WASF1: variants seen among roughly 807,000 people sequenced by gnomAD.
WASF1 encodes actin-binding protein WASF1.
In WASF1, 7 loss-of-function variants were observed where a neutral mutation model predicts 50.5. The observed-to-expected ratio is 0.14, with a 90% CI of 0.08 to 0.26. WASF1 has a LOEUF of 0.26. WASF1 is among the 10% of genes least tolerant of loss of function. WASF1 has a pLI of 1.00. For missense variants in WASF1, 470 were observed against 694.7 expected (o/e 0.68, Z 3.64); for synonymous variants, 205 against 244.0 (o/e 0.84, Z 1.49).
chr6:110,140,591 T>C (rs1312709272), intron 3 of WASF1, among the ~76,000 whole-genome samples: 1 of 152,114 alleles, frequency 6.6e-6, no homozygotes, highest in Non-Finnish European at 1.5e-5. Flanking sequence ...CAGAATTGAA[T>C]TGAAGAACAC....
intron 3 of WASF1, among the ~76,000 whole-genome samples, chr6:110,143,319 T>C (rs976939514): frequency 6.6e-6 from 1 of 151,572 alleles, no homozygotes; most frequent in Non-Finnish European, 1.5e-5. Context: ...AATCTAACCA[T>C]AGCAAAATGT....
At chr6:110,124,237 TC>T (rs1562170310) in intron 4 of WASF1, among the ~76,000 whole-genome samples, 29 of 22,062 alleles carry the variant, frequency 1.3e-3, no homozygotes, top group Non-Finnish European at 2.0e-3. Context: ...CTCTCTCTCC[TC>T]TCTCTCTCTC....
At chr6:110,144,669 G>A (rs1203101662) in intron 3 of WASF1, among the ~76,000 whole-genome samples, 1 of 152,180 alleles carries the variant, frequency 6.6e-6, no homozygotes, top group African/African-American at 2.4e-5. Context: ...TCCAGTTTCA[G>A]CTTTCTACAT....
At chr6:110,141,924 G>A (rs528804292) in intron 3 of WASF1, among the ~76,000 whole-genome samples, 13 of 151,918 alleles carry the variant, frequency 8.6e-5, no homozygotes, top group Admixed American at 5.9e-4. Context: ...GGTGCGCACC[G>A]CCACGCTCAG....
At chr6:110,146,873 G>C (rs1775588057) in intron 3 of WASF1, among the ~76,000 whole-genome samples, 3 of 151,962 alleles carry the variant, frequency 2.0e-5, no homozygotes, top group South Asian at 4.2e-4. Flanking sequence ...CACTACTCAT[G>C]AATCTCTAAA....
At chr6:110,134,778 T>C (rs1004410619) in intron 3 of WASF1, among the ~76,000 whole-genome samples, 1 of 152,162 alleles carries the variant, frequency 6.6e-6, no homozygotes, top group Non-Finnish European at 1.5e-5. Flanking sequence ...TATGCCCTTA[T>C]AGTATAGTTT....
Position 110,130,650 on chromosome 6 carries a change from T to C in WASF1, c.-28-3021A>G, listed in dbSNP as rs189639284. 3.3e-5 allele frequency among the ~76,000 whole-genome samples: 5 copies of C among 152,344 alleles called. No individual in the cohort carries two copies. In the East Asian group the frequency reaches 5.8e-4, roughly 18 times the overall value. ...ATGAATTGTTTCCAGTTTGAAGCTA[T>C]TATGAAGAGGACTATACTGATCATT... On this transcript the variant is annotated intron_variant, in intron 3 of 10. Transcript: ENST00000392589.
In WASF1 at chr6:110,100,372, T is replaced by C. The variant is rs575156711; in HGVS notation, c.*150A>G. ...TTTAGTTTGAAATGTATGCTAATAT[T>C]TTCCTTAGAAATCAAAAGTTATGGA... On this transcript the variant is annotated 3_prime_UTR_variant, in exon 11 of 11. Transcript: ENST00000392589. 8 of 738,780 alleles carry C rather than the reference T, an allele frequency of 1.1e-5. No homozygotes were observed. The South Asian group carries it at 1.8e-4, about 17-fold the overall frequency. 45.8% of individuals were successfully genotyped at this position (738,780 alleles called of 1,614,324 possible).
chr6:110,124,857 C>T (rs1310854968), intron 4 of WASF1, among the ~76,000 whole-genome samples: 2 of 152,076 alleles, frequency 1.3e-5, no homozygotes, highest in Non-Finnish European at 2.9e-5. Context: ...TTGTAGTGAG[C>T]CAAGATCGCA....
At chr6:110,154,179 AGTT>A (rs1775951980) in intron 3 of WASF1, among the ~76,000 whole-genome samples, 1 of 152,088 alleles carries the variant, frequency 6.6e-6, no homozygotes, top group Non-Finnish European at 1.5e-5. Flanking sequence ...CTTTTCTCTA[AGTT>A]TACTTTTTTC....
chr6:110,136,156 C>T (rs566147359), intron 3 of WASF1, among the ~76,000 whole-genome samples: 141 of 152,038 alleles, frequency 9.3e-4, no homozygotes, highest in African/African-American at 2.2e-3. Flanking sequence ...AGTGCTGGGA[C>T]TACAGGCATG....
At chr6:110,164,701 T>C (rs1776399083) in intron 2 of WASF1, among the ~76,000 whole-genome samples, 1 of 151,656 alleles carries the variant, frequency 6.6e-6, no homozygotes, top group Non-Finnish European at 1.5e-5. Context: ...TTCTTTGATA[T>C]TTACCCAAAG....
intron 7 of WASF1, among the ~76,000 whole-genome samples, chr6:110,106,850 T>A (rs1361257581): frequency 6.6e-6 from 1 of 152,236 alleles, no homozygotes; most frequent in Non-Finnish European, 1.5e-5. Flanking sequence ...AAACCCTTTA[T>A]GCATACCTCT....
intron 3 of WASF1, among the ~76,000 whole-genome samples, chr6:110,152,400 G>A (rs2114583474): frequency 6.6e-6 from 1 of 152,138 alleles, no homozygotes; most frequent in East Asian, 1.9e-4. Flanking sequence ...CTTAAGTTGG[G>A]ATTCTGTTAT....
intron 1 of WASF1, 45 bp downstream of exon 1, chr6:110,179,392 AAC>A (rs1252070272): frequency 6.6e-6 from 1 of 152,478 alleles, no homozygotes; most frequent in African/African-American, 2.4e-5. Flanking sequence ...TTCCTCTCCC[AAC>A]ACCCCCTCCC....
rs1776161099 is a variant in WASF1, at chr6:110,159,224, A to G, written c.-29+1411T>C. On this transcript the variant is annotated intron_variant, in intron 3 of 10. Coordinates refer to ENST00000392589, the MANE Select transcript of WASF1 (RefSeq NM_003931.3). The stretch of plus-strand genomic sequence containing the variant: ...AATTCGGTAGATGCAAGCACAGGAA[A>G]AGAAAAAAGAGCAAATAAGTAAAAA... Among the ~76,000 whole-genome samples, 3 of 151,990 alleles carry G rather than the reference A, an allele frequency of 2.0e-5. No homozygotes were observed. In the South Asian group the frequency reaches 6.2e-4, roughly 31 times the overall value.
chr6:110,142,972 A>AAAAAAAAAAAAAAAAAAAAC (rs1554202867), intron 3 of WASF1, among the ~76,000 whole-genome samples: 1 of 150,670 alleles, frequency 6.6e-6, no homozygotes, highest in Non-Finnish European at 1.5e-5. Flanking sequence ...AAAAAAAAAA[A>AAAAAAAAAAAAAAAAAAAAC]ACTAAAGCAA....
intron 3 of WASF1, among the ~76,000 whole-genome samples, chr6:110,160,304 C>T (rs149414271): frequency 4.0e-4 from 60 of 151,854 alleles, no homozygotes; most frequent in Middle Eastern, 3.4e-3. Flanking sequence ...TTATAATTTA[C>T]CACTGAAGAA....
At chr6:110,126,002 C>T (rs1278275521) in intron 4 of WASF1, among the ~76,000 whole-genome samples, 1 of 152,006 alleles carries the variant, frequency 6.6e-6, no homozygotes. Flanking sequence ...TGGGTATATA[C>T]CTAAAATAAG....
Sources: gnomAD v4.1 joint callset for allele counts (sites outside exome capture counted in the v4.1 genomes callset) on GRCh38, gnomAD v4.1.1 for gene constraint, MANE v1.5 for transcripts, NCBI Gene and HGNC (gene_info 2026-07-23, HGNC 2026-07-21) for gene names.